The following DPP6 variants were observed in gnomAD, a reference collection of about 807,000 sequenced individuals.
DPP6 encodes the protein A-type potassium channel modulatory protein DPP6.
Under a neutral mutation model 122.6 loss-of-function variants are expected in DPP6, and 69 were observed. The ratio of observed to expected loss-of-function variants is 0.56; its 90% CI spans 0.46 to 0.69. The LOEUF (loss-of-function observed/expected upper bound fraction) is 0.69, where lower values mean the gene tolerates loss of function less well. Among genes scored for constraint, DPP6 ranks in the 30% least tolerant of loss-of-function variants. DPP6 has a pLI of 0.00. For synonymous variants in DPP6, 418 were observed against 433.1 expected (o/e 0.97, Z 0.43); for missense variants, 928 against 1,116.9 (o/e 0.83, Z 2.41).
intron 16 of DPP6, among the ~76,000 whole-genome samples, chr7:154,840,682 T>C (rs1174632330): frequency 1.4e-4 from 22 of 152,228 alleles, no homozygotes; most frequent in Admixed American, 1.4e-3. Flanking sequence ...CTTCTTAGTA[T>C]GCTTAACTGC....
In DPP6 at chr7:154,035,599, CTCTT is replaced by C. The variant is rs1799477461; in HGVS notation, c.51+147867_51+147870del. Among the ~76,000 whole-genome samples the C allele has an allele frequency of 2.0e-5, 3 of 152,038 alleles. No individual in the cohort carries two copies. The East Asian group carries it at 5.8e-4, about 29-fold the overall frequency. The stretch of plus-strand genomic sequence containing the variant: ...AGCTTCTGATGCAGGAAATCCATCT[CTCTT>C]TATTGATAGCCCAGCATCATGCTTT... On this transcript the variant is annotated intron_variant, in intron 1 of 25. Transcript: ENST00000404039.
In DPP6 at chr7:154,475,050, C is replaced by T. The variant is rs748823924; in HGVS notation, c.457+13C>T. The T allele has an allele frequency of 2.5e-6, 4 of 1,597,702 alleles. No individual in the cohort carries two copies. Among genetic ancestry groups the T allele is most frequent in the South Asian group, 1.1e-5 (1 of 90,714 alleles). On this transcript the variant is annotated intron_variant, in intron 3 of 25. Coordinates refer to ENST00000377770, the MANE Select transcript of DPP6 (RefSeq NM_130797.4). Reference sequence around the variant, plus strand: ...AAGTGGATAAGTGGTGAGTCCAGGTCCTTCGTGCACAAGACATCGCTTCCC... The same window carrying T: ...AAGTGGATAAGTGGTGAGTCCAGGTTCTTCGTGCACAAGACATCGCTTCCC...
At chr7:154,341,798 C>G (rs1164733465) in intron 1 of DPP6, among the ~76,000 whole-genome samples, 1 of 151,898 alleles carries the variant, frequency 6.6e-6, no homozygotes, top group Admixed American at 6.6e-5. Flanking sequence ...AAATGGCTGT[C>G]TGTTCCTTGG....
In DPP6 at chr7:154,758,738, TTTTG is replaced by T. The variant is rs10680805; in HGVS notation, c.884-10659_884-10656del. ...CTGAATTAAACTGATAACTGCAGGT[TTTTG>T]TTTGTTTGTTTGTTTGTTTTGTTTT... On this transcript the variant is annotated intron_variant, in intron 8 of 25. Transcript: ENST00000377770. 6.1e-3 allele frequency among the ~76,000 whole-genome samples: 924 copies of T among 151,964 alleles called. 2 individuals are homozygous for T. Among genetic ancestry groups the T allele is most frequent in the African/African-American group, 0.02 (827 of 41,410 alleles).
intron 2 of DPP6, among the ~76,000 whole-genome samples, chr7:154,455,017 C>T (rs1211420022): frequency 6.6e-6 from 1 of 152,096 alleles, no homozygotes; most frequent in African/African-American, 2.4e-5. Context: ...ATAGCCAGTC[C>T]AAGGCAGATT....
chr7:153,787,904 G>A, the DPP6 span, among the ~76,000 whole-genome samples: 2 of 148,744 alleles, frequency 1.3e-5, no homozygotes, highest in Non-Finnish European at 3.0e-5. Flanking sequence ...TATTTCTTAC[G>A]GGAACCTCTA....
intron 8 of DPP6, among the ~76,000 whole-genome samples, chr7:154,753,440 AG>A (rs1843497712): frequency 1.3e-5 from 2 of 152,192 alleles, no homozygotes; most frequent in East Asian, 3.9e-4. Flanking sequence ...CATCCTCCAC[AG>A]GAGACAGCGA....
chr7:154,353,103 T>G (rs1353797090), intron 1 of DPP6, among the ~76,000 whole-genome samples: 1 of 152,208 alleles, frequency 6.6e-6, no homozygotes, highest in Admixed American at 6.5e-5. Context: ...ACCTGCAGAA[T>G]CCTAGGGCCC....
intron 3 of DPP6, among the ~76,000 whole-genome samples, chr7:154,531,398 A>C (rs74656607): frequency 0.017 from 2,565 of 152,276 alleles, 31 homozygotes; most frequent in South Asian, 0.026. Context: ...AAAAAACAAA[A>C]CAAAAAACCC....
chr7:154,576,044 C>T (rs1476982747), intron 5 of DPP6, among the ~76,000 whole-genome samples: 2 of 151,966 alleles, frequency 1.3e-5, no homozygotes, highest in African/African-American at 2.4e-5. Flanking sequence ...CAGGCCGGCC[C>T]GCAGTGGAGG....
chr7:154,383,098 A>G (rs1438309093), intron 1 of DPP6, among the ~76,000 whole-genome samples: 1 of 152,212 alleles, frequency 6.6e-6, no homozygotes, highest in Non-Finnish European at 1.5e-5. Context: ...CAGATTCAGT[A>G]TATCAAAATG....
the DPP6 span, among the ~76,000 whole-genome samples, chr7:153,862,745 A>C: frequency 6.6e-6 from 1 of 152,168 alleles, no homozygotes; most frequent in Non-Finnish European, 1.5e-5. Flanking sequence ...AGGTTTCTCC[A>C]TTATCTCAAT....
At chr7:154,706,815 A>T (rs1840854413) in intron 7 of DPP6, among the ~76,000 whole-genome samples, 2 of 152,210 alleles carry the variant, frequency 1.3e-5, no homozygotes, top group African/African-American at 4.8e-5. Flanking sequence ...GGTGAGAAAG[A>T]TCCCAAGAGA....
At chr7:154,687,496 T>C (rs1839686938) in intron 7 of DPP6, among the ~76,000 whole-genome samples, 1 of 152,216 alleles carries the variant, frequency 6.6e-6, no homozygotes, top group Non-Finnish European at 1.5e-5. Context: ...ATGTCACAAC[T>C]TCTGTAAAAC....
At chr7:153,935,257 C>T (rs562769497) in intron 1 of DPP6, among the ~76,000 whole-genome samples, 3 of 151,494 alleles carry the variant, frequency 2.0e-5, no homozygotes, top group South Asian at 2.1e-4. Context: ...AGGGGGGGGA[C>T]GTGCCCGGTA....
intron 3 of DPP6, among the ~76,000 whole-genome samples, chr7:154,513,143 T>C (rs112130948): frequency 6.6e-6 from 1 of 152,218 alleles, no homozygotes; most frequent in Non-Finnish European, 1.5e-5. Context: ...TACTCAATTA[T>C]AGAATTTCTT....
chr7:154,860,096 A>G (rs1193503019), intron 17 of DPP6, among the ~76,000 whole-genome samples: 1 of 152,110 alleles, frequency 6.6e-6, no homozygotes, highest in Non-Finnish European at 1.5e-5. Context: ...AACAGCCCCT[A>G]CCACCAGTGG....
intron 7 of DPP6, among the ~76,000 whole-genome samples, chr7:154,673,526 A>T (rs927783358): frequency 5.3e-5 from 8 of 152,080 alleles, no homozygotes; most frequent in Non-Finnish European, 1.0e-4. Context: ...TTGTTAGTGG[A>T]GTGGGTGGGA....
chr7:154,678,579 A>G (rs1189913002), intron 7 of DPP6, among the ~76,000 whole-genome samples: 1 of 152,112 alleles, frequency 6.6e-6, no homozygotes, highest in Non-Finnish European at 1.5e-5. Flanking sequence ...AGCATCTTCA[A>G]TAACCCTAAC....
Sources: allele counts gnomAD v4.1 joint callset (sites outside exome capture counted in the v4.1 genomes callset), GRCh38; gene constraint gnomAD v4.1.1; transcripts MANE v1.5; gene names NCBI Gene and HGNC (gene_info 2026-07-23, HGNC 2026-07-21).